TG: variants seen among roughly 807,000 people sequenced by gnomAD.
The protein encoded by TG is thyroid hormones.
Under a neutral mutation model 324.7 loss-of-function variants are expected in TG, and 270 were observed. The ratio of observed to expected loss-of-function variants is 0.83; its 90% confidence interval spans 0.75 to 0.92. The LOEUF is 0.92. Among genes scored for constraint, TG ranks in the 40% least tolerant of loss-of-function variants. The probability of loss-of-function intolerance (pLI) is 0.00; values close to 1 mark genes in which losing one functional copy is unlikely to be tolerated. For synonymous variants in TG, 1,401 were observed against 1,327.0 expected, an observed-to-expected ratio of 1.06 and a Z score of -1.21; for missense variants, 3,591 against 3,456.4, an observed-to-expected ratio of 1.04 and a Z score of -0.98.
chr8:133,122,906 T>C (rs1045889478), intron 45 of TG, among the ~76,000 whole-genome samples: 1 of 152,112 alleles, frequency 6.6e-6, no homozygotes, highest in South Asian at 2.1e-4. Flanking sequence ...CCCTCTGTTT[T>C]AGGAAGTGGG....
chr8:132,912,881 A>T (rs1027597194), intron 19 of TG, among the ~76,000 whole-genome samples, 166 bp from the exon 20 acceptor site: 2 of 152,182 alleles, frequency 1.3e-5, no homozygotes, highest in African/African-American at 2.4e-5. Flanking sequence ...GAACCAGTTC[A>T]TCCCCTTCTC....
intron 30 of TG, 63 bp from the exon 31 acceptor site, chr8:132,967,731 T>G: frequency 1.1e-5 from 17 of 1,577,512 alleles, no homozygotes; most frequent in Non-Finnish European, 1.5e-5. Context: ...GAGAATCCTG[T>G]AGAGATTATT....
At chr8:132,952,270 C>T (rs1386000326) in intron 27 of TG, among the ~76,000 whole-genome samples, 2 of 152,258 alleles carry the variant, frequency 1.3e-5, no homozygotes, top group East Asian at 1.9e-4. Flanking sequence ...AGCAGGCTAG[C>T]GGTGGACACT....
intron 41 of TG, among the ~76,000 whole-genome samples, chr8:133,070,233 G>A (rs190310579): frequency 2.0e-4 from 30 of 152,138 alleles, no homozygotes; most frequent in South Asian, 6.2e-4. Flanking sequence ...CTCTGAGGAC[G>A]GAGTAGGAAA....
rs1483550797 is a variant in TG at position 132,941,416 on chromosome 8, G to A, written c.5107G>A (p.Gly1703Arg). 3 of 1,614,228 alleles carry A rather than the reference G, an allele frequency of 1.9e-6. No homozygotes were observed. Among genetic ancestry groups the A allele is most frequent in the East Asian group, 2.2e-5 (1 of 44,888 alleles). ...EPTGFQNMLSGLYNPIVFSAS... is the reference protein window; with the variant it reads ...EPTGFQNMLSRLYNPIVFSAS... ...CACTGGTTTCCAAAACATGCTTTCT[G>A]GATTGTACAACCCCATTGTGTTCTC... Residue 1703 changes from glycine (G) to arginine (R), a missense_variant, in exon 26 of 48, where the codon GGA becomes AGA. Physicochemically the swap from Gly to Arg is moderately radical, Grantham distance 125. Transcript: ENST00000220616.
chr8:133,061,105 G>C (rs891807202), intron 41 of TG, among the ~76,000 whole-genome samples: 34 of 152,190 alleles, frequency 2.2e-4, no homozygotes, highest in African/African-American at 8.0e-4. Context: ...CTGCCTCCCG[G>C]GTTCAAGCGA....
At chr8:132,920,930 A>G (rs567901810) in intron 21 of TG, among the ~76,000 whole-genome samples, 1 of 152,364 alleles carries the variant, frequency 6.6e-6, no homozygotes, top group African/African-American at 2.4e-5. Context: ...TAAGCAACAC[A>G]TTTGTTTCAC....
chr8:133,048,860 C>A (rs1370454345), intron 41 of TG: 1 of 184,820 alleles, frequency 5.4e-6, no homozygotes, highest in Admixed American at 5.6e-5. Flanking sequence ...AAATTAAACT[C>A]GCAGAATTCC....
chr8:132,978,587 G>A (rs897006498), intron 34 of TG, among the ~76,000 whole-genome samples: 5 of 152,178 alleles, frequency 3.3e-5, no homozygotes, highest in African/African-American at 1.2e-4. Flanking sequence ...GAGGTAGGGT[G>A]TTGGGGGTGC....
intron 35 of TG, among the ~76,000 whole-genome samples, chr8:133,009,686 C>T (rs892324592): frequency 2.0e-5 from 3 of 151,888 alleles, no homozygotes; most frequent in African/African-American, 7.2e-5. Flanking sequence ...ATGATGGGGT[C>T]GGTGCCCTTC....
chr8:133,113,364 A>G, intron 43 of TG, 58 bp from the exon 44 acceptor site: 1 of 1,598,906 alleles, frequency 6.3e-7, no homozygotes, highest in Non-Finnish European at 8.6e-7. Flanking sequence ...TTTGAGGGAC[A>G]CTGACTTGGA....
rs149730707 is a variant in TG at position 133,113,581 on chromosome 8, C to T, written c.7732C>T (p.Arg2578Trp). The change falls in exon 44 of 48, where the codon CGG becomes TGG. Residue 2578 changes from arginine (R) to tryptophan (W), a missense_variant. Arg to Trp is a moderately radical substitution (Grantham distance 101). Transcript: ENST00000220616. ...CACGGATGACTATGCCTCCTTCTCC[C>T]GGGCTCTGGAGAATGCCACCCGGTA... ...HSTDDYASFS[R>W]ALENATRDYF... 50 of 1,613,984 alleles carry T rather than the reference C, an allele frequency of 3.1e-5. No homozygotes were observed. Among genetic ancestry groups the T allele is most frequent in the Admixed American group, 1.2e-4 (7 of 59,992 alleles).
chr8:133,064,967 T>C (rs555260402), intron 41 of TG, among the ~76,000 whole-genome samples: 98 of 152,354 alleles, frequency 6.4e-4, no homozygotes, highest in African/African-American at 2.2e-3. Flanking sequence ...AGCCAGGAAC[T>C]GAACCCTTGG....
chr8:132,906,382 A>C lies in TG; in HGVS notation c.3635-306A>C, dbSNP rs6994911. 2.0e-5 allele frequency among the ~76,000 whole-genome samples: 3 copies of C among 151,980 alleles called. No individual in the cohort carries two copies. The South Asian group carries it at 6.2e-4, about 31-fold the overall frequency. On this transcript the variant is annotated intron_variant, in intron 16 of 47. Transcript: ENST00000220616. ...TGGTGGGCTTTGAGGTGAAGAGACC[A>C]GGTGGTAACTAATTGGCTTTAGAGA... is the stretch of plus-strand genomic sequence containing the variant.
At chr8:132,980,455 T>C (rs914402283) in intron 34 of TG, among the ~76,000 whole-genome samples, 3 of 151,474 alleles carry the variant, frequency 2.0e-5, no homozygotes, top group Admixed American at 6.6e-5. Flanking sequence ...GTGTGGAGGC[T>C]CCCCCCCGGC....
chr8:132,873,002 C>T lies in TG; in HGVS notation c.479-60C>T, dbSNP rs1026502135. 33 of 1,582,900 alleles carry T rather than the reference C, an allele frequency of 2.1e-5. No individual in the cohort carries two copies. In the East Asian group the frequency reaches 2.9e-4, roughly 14 times the overall value. On this transcript the variant is annotated intron_variant, in intron 4 of 47. Transcript: ENST00000220616. The stretch of plus-strand genomic sequence containing the variant: ...AAGGGACACGAGTGCATATGCTGCT[C>T]GACTGCAGAAATATGTGTCTACTCA...
chr8:132,887,229 A>G lies in TG; in HGVS notation c.1857A>G (p.Ser619=), dbSNP rs1159479310. Residue 619 remains serine (S), a synonymous_variant, in exon 9 of 48, where the codon TCA becomes TCG. Transcript: ENST00000220616. ...EQTPERLFVP[S]CTTEGSYEDV... is the part of the protein sequence containing the mutation. The stretch of plus-strand genomic sequence containing the variant: ...CACCTGAAAGGCTATTTGTCCCATC[A>G]TGCACGACAGAAGGAAGCTATGAGG... 3 of 1,608,882 alleles carry G rather than the reference A, an allele frequency of 1.9e-6. No homozygotes were observed. Among genetic ancestry groups the G allele is most frequent in the Non-Finnish European group, 1.7e-6 (2 of 1,176,614 alleles).
chr8:133,097,433 A>T (rs781743717), intron 43 of TG, among the ~76,000 whole-genome samples: 1 of 152,188 alleles, frequency 6.6e-6, no homozygotes, highest in African/African-American at 2.4e-5. Flanking sequence ...ATTAACAGGG[A>T]AATGGTTGAC....
chr8:133,099,798 C>A (rs2979018), intron 43 of TG, among the ~76,000 whole-genome samples: 47,851 of 151,972 alleles, frequency 0.31, 8,187 homozygotes, highest in African/African-American at 0.44. Flanking sequence ...CTGTATTTTC[C>A]AAATGTATCC....
Sources: allele counts gnomAD v4.1 joint callset (sites outside exome capture counted in the v4.1 genomes callset), GRCh38; gene constraint gnomAD v4.1.1; transcripts MANE v1.5; gene names NCBI Gene and HGNC (gene_info 2026-07-23, HGNC 2026-07-21).